Variants in MADD observed in about 807,000 individuals in gnomAD.
The protein encoded by MADD is MAP kinase-activating death domain protein.
In MADD, 109 loss-of-function variants were observed where a neutral mutation model predicts 176.7. That is an observed-to-expected ratio of 0.62 (90% CI 0.53 to 0.72). MADD has a LOEUF of 0.72. Among genes scored for constraint, MADD ranks in the 30% least tolerant of loss-of-function variants. MADD has a pLI of 0.00. For synonymous variants in MADD, 771 were observed against 771.3 expected, an observed-to-expected ratio of 1.00 and a Z score of 0.01; for missense variants, 1,914 against 2,045.5, an observed-to-expected ratio of 0.94 and a Z score of 1.24.
At chr11:47,297,570 C>T (rs1326250126) in intron 22 of MADD, among the ~76,000 whole-genome samples, 1 of 151,346 alleles carries the variant, frequency 6.6e-6, no homozygotes, top group Admixed American at 6.6e-5. Context: ...CCTCAGCCTC[C>T]CAAGTAGCTG....
At chr11:47,282,909 T>A in exon 10 of MADD, 1 of 1,614,070 alleles carries the variant, frequency 6.2e-7, no homozygotes, top group Non-Finnish European at 8.5e-7. Flanking sequence ...AATTCCCAGC[T>A]GGCTGAGGCC....
At chr11:47,275,819 G>A (rs1365860049) in intron 3 of MADD, 80 bp from the exon 4 acceptor site, 1 of 1,325,920 alleles carries the variant, frequency 7.5e-7, no homozygotes, top group Non-Finnish European at 1.0e-6. Context: ...CATCATTAGA[G>A]CCTCTGTGGT....
exon 5 of MADD, chr11:47,276,764 C>T: frequency 6.2e-7 from 1 of 1,614,204 alleles, no homozygotes; most frequent in East Asian, 2.2e-5. Context: ...ACAATGCACT[C>T]TCCATGTCTG....
rs143586888 is a variant in MADD at position 47,286,514 on chromosome 11, C to G, written c.2633C>G (p.Thr878Arg). The G allele has an allele frequency of 5.4e-4, 873 of 1,613,440 alleles. No individual in the cohort carries two copies. Among genetic ancestry groups the G allele is most frequent in the Non-Finnish European group, 7.1e-4 (832 of 1,179,506 alleles). ...ACCAAAGGTGCCCGAGAGAAGGCCA[C>G]GCCCTTCCCCAGTCTGAAAGGTAAC... Residue 878 changes from threonine (T) to arginine (R), a missense_variant, in exon 15 of 33, where the codon ACG becomes AGG. Physicochemically the swap from Thr to Arg is moderately conservative, Grantham distance 71. Around this residue, in one of 2 missense-constraint regions of MADD, gnomAD observed 1,767 missense variants for 1,836.0 expected, o/e 0.96. Coordinates refer to ENST00000402192, the Ensembl canonical transcript of MADD.
At chr11:47,329,287 T>G (rs1595808251) in exon 33 of MADD, 1 of 692,694 alleles carries the variant, frequency 1.4e-6, no homozygotes, top group African/African-American at 1.7e-5. Context: ...GTGGCTTGGT[T>G]GGTTACCGGT....
At chr11:47,309,441 G>A (rs780724002) in intron 24 of MADD, 40 bp downstream of exon 27, 6 of 1,614,042 alleles carry the variant, frequency 3.7e-6, no homozygotes, top group Non-Finnish European at 5.1e-6. Flanking sequence ...AGCAAACTCA[G>A]CCTCCTCCCA....
intron 16 of MADD, 58 bp from the exon 18 acceptor site, chr11:47,289,809 G>A (rs760327876): frequency 1.3e-6 from 2 of 1,584,132 alleles, no homozygotes; most frequent in African/African-American, 1.3e-5. Flanking sequence ...TGGGTGAAAG[G>A]TGGGGGGTGC....
At chr11:47,284,316 C>A (rs1214473832) in intron 11 of MADD, 35 bp downstream of exon 11, 2 of 1,613,510 alleles carry the variant, frequency 1.2e-6, no homozygotes, top group Non-Finnish European at 1.7e-6. Flanking sequence ...CAGCCCTGGG[C>A]AGGGGTTGGG....
chr11:47,321,860 TAAAAG>T (rs1431064534), intron 27 of MADD, among the ~76,000 whole-genome samples: 1 of 151,968 alleles, frequency 6.6e-6, no homozygotes, highest in African/African-American at 2.4e-5. Context: ...ATAGCAGACT[TAAAAG>T]GAGGATCTGC....
intron 22 of MADD, among the ~76,000 whole-genome samples, chr11:47,306,638 G>T (rs1177560589): frequency 6.6e-6 from 1 of 152,002 alleles, no homozygotes; most frequent in African/African-American, 2.4e-5. Context: ...GATGGGGGAA[G>T]GGGGATGGGG....
At position 47,325,074 on chromosome 11, in the gene MADD, G is replaced by A. The variant is rs1387984378; in HGVS notation, c.4542+497G>A. 3.1e-6 allele frequency: 1 copy of A among 317,562 alleles called. No individual in the cohort carries two copies. The highest frequency in any genetic ancestry group is 6.7e-5 in the East Asian group (1 of 14,950). The allele number at this position is 317,562 out of a possible 1,614,324, so 19.7% of individuals were successfully genotyped here. On this transcript the variant is annotated intron_variant, in intron 30 of 32. Coordinates refer to ENST00000402192, the Ensembl canonical transcript of MADD. The surrounding 1 kb of genome is among the most constrained non-coding windows in gnomAD (Gnocchi z 4.5). ...TGTCCTCTCTGGAGTGTGTTTATTT[G>A]CCTTTTTCTTCTGCGGATTCTTCTT...
chr11:47,274,883 C>T (rs1169149240), exon 3 of MADD: 2 of 1,614,070 alleles, frequency 1.2e-6, no homozygotes, highest in Admixed American at 3.3e-5. Flanking sequence ...ACCTGTGCCT[C>T]AGAAGAGGGT....
chr11:47,319,109 A>C (rs565750240), intron 27 of MADD, among the ~76,000 whole-genome samples: 157 of 146,442 alleles, frequency 1.1e-3, no homozygotes, highest in African/African-American at 3.8e-3. Context: ...CACCTGGCCA[A>C]GGAAAATATA....
In MADD at chr11:47,273,820, C is replaced by CT; in HGVS notation, c.-88-6dup. The CT allele has an allele frequency of 9.4e-7, 1 of 1,062,668 alleles. No homozygotes were observed. The allele number at this position is 1,062,668 out of a possible 1,614,324, so 65.8% of individuals were successfully genotyped here. On this transcript the variant is annotated splice_polypyrimidine_tract_variant and splice_region_variant and intron_variant, in intron 1 of 32. Coordinates refer to ENST00000402192, the Ensembl canonical transcript of MADD. ...GTGGATCTTATCAGTACTTTTTTTC[C>CT]TATTAGACTTCGATTTTCAGAATTC...
In MADD at chr11:47,291,062, G is replaced by A. The variant is rs189030673; in HGVS notation, c.3301+246G>A. Among the ~76,000 whole-genome samples the A allele has an allele frequency of 2.4e-3, 361 of 151,898 alleles. 2 individuals are homozygous for A. Among genetic ancestry groups the A allele is most frequent in the African/African-American group, 8.2e-3 (341 of 41,390 alleles). On this transcript the variant is annotated intron_variant, in intron 19 of 32. Transcript: ENST00000402192. ...AAGTTTTGTTTAGAGGGCCCAATGA[G>A]GCTTACTGCAGGGGGTGTGAGCTGT...
exon 19 of MADD, chr11:47,290,638 A>G: frequency 1.2e-6 from 2 of 1,613,928 alleles, no homozygotes; most frequent in Non-Finnish European, 1.7e-6. Flanking sequence ...GAAGTCCAAC[A>G]GAAAGTGTAA....
chr11:47,285,981 A>G (rs2060347531), intron 14 of MADD, among the ~76,000 whole-genome samples: 1 of 152,178 alleles, frequency 6.6e-6, no homozygotes. Context: ...AATCGATATG[A>G]GATTGAATTT....
chr11:47,288,925 C>T (rs770337021), intron 15 of MADD, 43 bp from the exon 16 acceptor site: 9 of 1,403,402 alleles, frequency 6.4e-6, no homozygotes, highest in East Asian at 4.8e-5. Context: ...AGAGGGGTTG[C>T]GGTATTGTGG....
chr11:47,302,563 C>T (rs2078698428), intron 22 of MADD, among the ~76,000 whole-genome samples: 1 of 152,184 alleles, frequency 6.6e-6, no homozygotes. Context: ...ATTATAGCTA[C>T]TCTTGCTTGC....
Sources: gnomAD v4.1 joint callset for allele counts (sites outside exome capture counted in the v4.1 genomes callset) on GRCh38, gnomAD v4.1.1 for gene constraint, gnomAD v4.1.1 regional missense constraint, Gnocchi (gnomAD v3.1) non-coding constraint, MANE v1.5 for transcripts, NCBI Gene and HGNC (gene_info 2026-07-23, HGNC 2026-07-21) for gene names.